Variants in PHACTR1 observed in about 807,000 individuals in gnomAD.
PHACTR1 encodes RPEL repeat containing 1.
In PHACTR1, 16 loss-of-function variants were observed where a neutral mutation model predicts 69.2. That is an observed-to-expected ratio of 0.23 (90% CI 0.16 to 0.35). The LOEUF (loss-of-function observed/expected upper bound fraction) is 0.35. Ranked by LOEUF, PHACTR1 falls within the 10% of genes least tolerant of loss-of-function variation. The probability of loss-of-function intolerance (pLI) is 1.00; values close to 1 mark genes in which losing one functional copy is unlikely to be tolerated. For missense variants in PHACTR1, 510 were observed against 734.7 expected (o/e 0.69, Z 3.54); for synonymous variants, 312 against 284.5 (o/e 1.10, Z -0.97).
chr6:13,242,203 A>G (rs948247063), intron 10 of PHACTR1, among the ~76,000 whole-genome samples: 27 of 152,318 alleles, frequency 1.8e-4, no homozygotes, highest in African/African-American at 5.3e-4. Flanking sequence ...TCTAGAACAC[A>G]TGACTCCAAT....
At chr6:12,857,416 C>A (rs1169804814) in intron 4 of PHACTR1, among the ~76,000 whole-genome samples, 4 of 152,202 alleles carry the variant, frequency 2.6e-5, no homozygotes, top group African/African-American at 7.2e-5. Context: ...TGGAGACCAT[C>A]CTGGCCAACA....
intron 5 of PHACTR1, among the ~76,000 whole-genome samples, chr6:13,130,707 C>T (rs963636578): frequency 3.3e-5 from 5 of 152,188 alleles, no homozygotes; most frequent in African/African-American, 1.2e-4. Context: ...GATGGATTCA[C>T]AGCTGAATTC....
chr6:12,761,968 G>A (rs915991076), intron 4 of PHACTR1, among the ~76,000 whole-genome samples: 5 of 152,138 alleles, frequency 3.3e-5, no homozygotes, highest in Non-Finnish European at 5.9e-5. Context: ...CTCGCGCCAC[G>A]CTGCCTTCCA....
chr6:13,283,637 C>T lies in PHACTR1; in HGVS notation c.1650+75C>T, dbSNP rs1366896530. On this transcript the variant is annotated intron_variant, in intron 13 of 14. Transcript: ENST00000332995. The surrounding 1 kb of genome is among the most constrained non-coding windows in gnomAD (Gnocchi z 4.7). ...TCTCGCTGGGCTCACCGCTGGGGAG[C>T]GTGTAGGGAGACCTGCAGCCAGGCC... The T allele has an allele frequency of 8.1e-6, 13 of 1,606,792 alleles. No homozygotes were observed. The highest frequency in any genetic ancestry group is 1.1e-5 in the South Asian group (1 of 90,718).
chr6:13,032,315 G>A (rs1802559820), intron 4 of PHACTR1, among the ~76,000 whole-genome samples: 1 of 152,148 alleles, frequency 6.6e-6, no homozygotes, highest in South Asian at 2.1e-4. Flanking sequence ...TTTATTCAGA[G>A]TCTGTTTATA....
chr6:13,064,928 C>T (rs1275265805), intron 5 of PHACTR1, among the ~76,000 whole-genome samples: 1 of 151,974 alleles, frequency 6.6e-6, no homozygotes, highest in African/African-American at 2.4e-5. Flanking sequence ...GGATGAACGC[C>T]TCAACTCATC....
chr6:12,756,119 C>T (rs1460142500), intron 4 of PHACTR1, among the ~76,000 whole-genome samples: 3 of 152,090 alleles, frequency 2.0e-5, no homozygotes, highest in East Asian at 1.9e-4. Context: ...TTTATGGAGT[C>T]GCTTTTTGAC....
chr6:12,993,729 C>G (rs1179949491), intron 4 of PHACTR1, among the ~76,000 whole-genome samples: 4 of 152,222 alleles, frequency 2.6e-5, no homozygotes, highest in African/African-American at 9.6e-5. Flanking sequence ...GAAATTGAAA[C>G]TGAAAGCCTA....
intron 13 of PHACTR1, among the ~76,000 whole-genome samples, chr6:13,284,675 C>G (rs145999731): frequency 6.7e-6 from 1 of 150,212 alleles, no homozygotes; most frequent in East Asian, 2.0e-4. Flanking sequence ...CTCAACAGTC[C>G]TGCCTTCACT....
At chr6:13,173,567 AC>A (rs1760899909) in intron 6 of PHACTR1, among the ~76,000 whole-genome samples, 1 of 152,200 alleles carries the variant, frequency 6.6e-6, no homozygotes, top group African/African-American at 2.4e-5. Context: ...ATAAATTATT[AC>A]TTAGTTAACT....
chr6:12,721,908 T>C (rs771434637), intron 3 of PHACTR1, among the ~76,000 whole-genome samples: 3 of 152,168 alleles, frequency 2.0e-5, no homozygotes, highest in Admixed American at 6.5e-5. Flanking sequence ...GATTCAAGCT[T>C]GTATCGAACC....
intron 4 of PHACTR1, among the ~76,000 whole-genome samples, chr6:13,012,231 T>C (rs1448348621): frequency 6.6e-6 from 1 of 152,198 alleles, no homozygotes; most frequent in African/African-American, 2.4e-5. Flanking sequence ...GATAGAGTGG[T>C]AGAATTGGAG....
chr6:12,915,402 G>T (rs1000624134), intron 4 of PHACTR1, among the ~76,000 whole-genome samples: 1 of 151,624 alleles, frequency 6.6e-6, no homozygotes, highest in African/African-American at 2.4e-5. Context: ...AGATACTTGG[G>T]AGGCTGAGGC....
At chr6:13,117,929 C>G (rs1429415409) in intron 5 of PHACTR1, among the ~76,000 whole-genome samples, 1 of 152,172 alleles carries the variant, frequency 6.6e-6, no homozygotes, top group Non-Finnish European at 1.5e-5. Context: ...CCTCTCCACT[C>G]AACTTTTGCT....
At chr6:12,754,571 AGC>A (rs1428976810) in intron 4 of PHACTR1, among the ~76,000 whole-genome samples, 1 of 152,150 alleles carries the variant, frequency 6.6e-6, no homozygotes, top group African/African-American at 2.4e-5. Flanking sequence ...ATATAGTTAG[AGC>A]TAGCTAACCT....
chr6:12,958,698 T>A (rs892031831), intron 4 of PHACTR1, among the ~76,000 whole-genome samples: 3 of 151,920 alleles, frequency 2.0e-5, no homozygotes, highest in Non-Finnish European at 4.4e-5. Flanking sequence ...TTGTTATTTC[T>A]TTTTTATTGT....
At chr6:12,808,306 C>T (rs1372680191) in intron 4 of PHACTR1, among the ~76,000 whole-genome samples, 1 of 152,152 alleles carries the variant, frequency 6.6e-6, no homozygotes, top group African/African-American at 2.4e-5. Flanking sequence ...TATATTTTAA[C>T]TTTTAAAAAC....
intron 11 of PHACTR1, 87 bp downstream of exon 11, chr6:13,273,002 C>T (rs541558458): frequency 8.4e-5 from 129 of 1,541,904 alleles, no homozygotes; most frequent in Non-Finnish European, 1.0e-4. Flanking sequence ...TTCTACCTTG[C>T]GCCTCTGCGG....
intron 5 of PHACTR1, among the ~76,000 whole-genome samples, chr6:13,085,547 A>T (rs1812134201): frequency 6.6e-6 from 1 of 152,124 alleles, no homozygotes; most frequent in South Asian, 2.1e-4. Flanking sequence ...AGATGCAACA[A>T]TTCAAAATAT....
Sources: gnomAD v4.1 joint callset for allele counts (sites outside exome capture counted in the v4.1 genomes callset) on GRCh38, gnomAD v4.1.1 for gene constraint, Gnocchi (gnomAD v3.1) non-coding constraint, MANE v1.5 for transcripts, NCBI Gene and HGNC (gene_info 2026-07-23, HGNC 2026-07-21) for gene names.